The following PARD3 variants were observed in gnomAD, a reference collection of about 807,000 sequenced individuals.
The protein encoded by PARD3 is partitioning defective 3 homolog.
PARD3 carries 75 observed loss-of-function variants against 155.4 expected under a neutral mutation model. The observed-to-expected ratio is 0.48, with a 90% CI of 0.40 to 0.58. The LOEUF is 0.58. Among genes scored for constraint, PARD3 ranks in the 20% least tolerant of loss-of-function variants. The pLI, the probability that PARD3 is intolerant of heterozygous loss-of-function variation, is 0.00. For missense variants in PARD3, 1,642 were observed against 1,721.7 expected, an observed-to-expected ratio of 0.95 and a Z score of 0.82; for synonymous variants, 576 against 610.5, an observed-to-expected ratio of 0.94 and a Z score of 0.83.
At chr10:34,422,083 C>T (rs2132431189) in intron 5 of PARD3, among the ~76,000 whole-genome samples, 1 of 152,222 alleles carries the variant, frequency 6.6e-6, no homozygotes, top group South Asian at 2.1e-4. Context: ...CACAGCACAT[C>T]CAGGGACACC....
chr10:34,813,789 C>T (rs894032517), intron 1 of PARD3, among the ~76,000 whole-genome samples: 4 of 152,202 alleles, frequency 2.6e-5, no homozygotes, highest in Non-Finnish European at 5.9e-5. Context: ...CCCACAGGGG[C>T]CAGGCCACTG....
intron 23 of PARD3, among the ~76,000 whole-genome samples, chr10:34,124,903 C>T (rs1004597157): frequency 6.6e-6 from 1 of 152,096 alleles, no homozygotes; most frequent in Admixed American, 6.5e-5. Flanking sequence ...TCAGGAGTTC[C>T]TACCACACAG....
chr10:34,323,383 T>C (rs1958494279), intron 19 of PARD3, among the ~76,000 whole-genome samples: 1 of 151,494 alleles, frequency 6.6e-6, no homozygotes, highest in African/African-American at 2.5e-5. Context: ...AGGAAGACTT[T>C]AGAGCTTTTA....
intron 3 of PARD3, among the ~76,000 whole-genome samples, chr10:34,482,262 T>C (rs1280261666): frequency 6.6e-6 from 1 of 152,084 alleles, no homozygotes. Flanking sequence ...CTTGAACTCC[T>C]GGCCTCAAGT....
intron 2 of PARD3, among the ~76,000 whole-genome samples, chr10:34,636,223 C>A (rs982057355): frequency 1.5e-4 from 23 of 152,228 alleles, no homozygotes; most frequent in African/African-American, 4.8e-4. Context: ...CAAACCAGGG[C>A]CAGCACTCCC....
At chr10:34,404,513 AAAGT>A (rs1350264913) in intron 5 of PARD3, among the ~76,000 whole-genome samples, 6 of 152,068 alleles carry the variant, frequency 3.9e-5, no homozygotes, top group Non-Finnish European at 8.8e-5. Flanking sequence ...TTTTTTTCTT[AAAGT>A]AAGAAAAAAA....
chr10:34,609,488 A>G (rs990189071), intron 2 of PARD3, among the ~76,000 whole-genome samples: 1 of 152,224 alleles, frequency 6.6e-6, no homozygotes, highest in East Asian at 1.9e-4. Flanking sequence ...CCTGAGATAC[A>G]GAGCCAGTTG....
At chr10:34,252,665 C>G (rs981132587) in intron 22 of PARD3, among the ~76,000 whole-genome samples, 1 of 151,994 alleles carries the variant, frequency 6.6e-6, no homozygotes, top group African/African-American at 2.4e-5. Context: ...GTTTATTTTA[C>G]TATTATTCTG....
intron 2 of PARD3, among the ~76,000 whole-genome samples, chr10:34,666,905 T>C (rs1165264317): frequency 1.3e-5 from 2 of 151,020 alleles, no homozygotes; most frequent in Admixed American, 6.6e-5. Flanking sequence ...CAGTGAGTCA[T>C]GCCTTGTAAT....
intron 22 of PARD3, among the ~76,000 whole-genome samples, chr10:34,135,051 AT>A (rs1350845065): frequency 1.3e-5 from 2 of 152,168 alleles, no homozygotes; most frequent in Admixed American, 6.5e-5. Context: ...GTTGGTCATG[AT>A]TTTTTTGTGT....
At chr10:34,135,497 G>A (rs908708246) in intron 22 of PARD3, among the ~76,000 whole-genome samples, 1 of 152,152 alleles carries the variant, frequency 6.6e-6, no homozygotes, top group African/African-American at 2.4e-5. Flanking sequence ...ATTACTACGG[G>A]GATTGCAGTC....
chr10:34,431,330 C>T (rs1482825459), intron 5 of PARD3, among the ~76,000 whole-genome samples: 2 of 152,164 alleles, frequency 1.3e-5, no homozygotes, highest in African/African-American at 4.8e-5. Context: ...TATCTGAAGT[C>T]AGAAGGAACA....
chr10:34,499,845 C>A (rs1472714749), intron 3 of PARD3, among the ~76,000 whole-genome samples: 2 of 152,162 alleles, frequency 1.3e-5, no homozygotes, highest in Admixed American at 6.5e-5. Context: ...TGCTCCAGTC[C>A]TGGATATGAC....
chr10:34,378,346 C>T (rs960984464), intron 9 of PARD3, among the ~76,000 whole-genome samples: 16 of 152,232 alleles, frequency 1.1e-4, no homozygotes, highest in Admixed American at 1.0e-3. Context: ...TTCTCAAAGA[C>T]AGATGAAAGT....
At chr10:34,810,163 C>A (rs1029993464) in intron 1 of PARD3, among the ~76,000 whole-genome samples, 1 of 152,192 alleles carries the variant, frequency 6.6e-6, no homozygotes, top group African/African-American at 2.4e-5. Context: ...CTGAAACTTA[C>A]TGAGCACCCA....
intron 2 of PARD3, among the ~76,000 whole-genome samples, chr10:34,576,510 C>G (rs555003536): frequency 6.7e-6 from 1 of 148,830 alleles, no homozygotes; most frequent in Non-Finnish European, 1.5e-5. Context: ...AGAACAGGGA[C>G]AAAAGAAAAA....
chr10:34,376,742 A>G (rs1841289321), intron 10 of PARD3, among the ~76,000 whole-genome samples: 1 of 152,152 alleles, frequency 6.6e-6, no homozygotes, highest in South Asian at 2.1e-4. Flanking sequence ...TACTTTACAA[A>G]AATTCTTTAG....
At chr10:34,737,642 T>G (rs2094938981) in intron 1 of PARD3, among the ~76,000 whole-genome samples, 1 of 152,106 alleles carries the variant, frequency 6.6e-6, no homozygotes, top group African/African-American at 2.4e-5. Context: ...AAAAGGGCCC[T>G]CGGCTCCCCC....
intron 24 of PARD3, among the ~76,000 whole-genome samples, chr10:34,111,801 C>T (rs1403812849): frequency 6.6e-6 from 1 of 152,132 alleles, no homozygotes; most frequent in Non-Finnish European, 1.5e-5. Flanking sequence ...CTAGACTGTG[C>T]AGCTATTTAG....
Sources: allele counts gnomAD v4.1 joint callset (sites outside exome capture counted in the v4.1 genomes callset), GRCh38; gene constraint gnomAD v4.1.1; transcripts MANE v1.5; gene names NCBI Gene and HGNC (gene_info 2026-07-23, HGNC 2026-07-21).